Variants in PGBD1 observed in about 807,000 individuals in gnomAD.
PGBD1 encodes piggyBac transposable element derived 1.
PGBD1 carries 25 observed loss-of-function variants against 34.7 expected under a neutral mutation model. The observed-to-expected ratio is 0.72, with a 90% CI of 0.52 to 1.00. The LOEUF (loss-of-function observed/expected upper bound fraction) is 1.00. PGBD1 is among the 50% of genes least tolerant of loss of function. PGBD1 has a pLI of 0.00. For missense variants in PGBD1, 830 were observed against 959.4 expected (o/e 0.87, Z 1.78); for synonymous variants, 292 against 335.7 (o/e 0.87, Z 1.42).
At chr6:28,292,799 C>T (rs1317118971) in intron 4 of PGBD1, among the ~76,000 whole-genome samples, 2 of 152,036 alleles carry the variant, frequency 1.3e-5, no homozygotes, top group Non-Finnish European at 2.9e-5. Context: ...AAAACACACA[C>T]AGGGAGAATG....
Position 28,284,042 on chromosome 6 carries a change from A to G in PGBD1, c.229A>G (p.Met77Val). ...TTGTCATCAATGGCTGAGACCGGAG[A>G]TGCACACCAAGGAACAGATAATGGA... ...ELCHQWLRPE[M>V]HTKEQIMELL... Residue 77 changes from methionine to valine, a missense_variant, in exon 2 of 7, where the codon ATG becomes GTG. By Grantham distance (21) the Met-to-Val change is conservative. Coordinates refer to ENST00000682144, the MANE Select transcript of PGBD1 (RefSeq NM_032507.4). 1 of 1,614,116 alleles carries G rather than the reference A, an allele frequency of 6.2e-7. No individual in the cohort carries two copies. Among genetic ancestry groups the G allele is most frequent in the Non-Finnish European group, 8.5e-7 (1 of 1,180,008 alleles).
At chr6:28,296,716 C>A in intron 4 of PGBD1, 100 bp from the exon 5 acceptor site, 2 of 1,362,080 alleles carry the variant, frequency 1.5e-6, no homozygotes, top group Non-Finnish European at 2.0e-6. Context: ...CCCTGAGGGG[C>A]TGGGACTACC....
At chr6:28,287,888 G>T (rs1337558456) in intron 4 of PGBD1, among the ~76,000 whole-genome samples, 2 of 152,102 alleles carry the variant, frequency 1.3e-5, no homozygotes, top group African/African-American at 4.8e-5. Flanking sequence ...TGCACATTCT[G>T]AAAATCAACA....
chr6:28,301,577 A>G lies in PGBD1; in HGVS notation c.1723A>G (p.Thr575Ala), dbSNP rs750018428. ...RIGYKIWCGTTTQGYLVWFEP... is the reference protein window; with the variant it reads ...RIGYKIWCGTATQGYLVWFEP... ...TGGCTATAAAATTTGGTGTGGTACAACCACACAGGGTTATCTGGTTTGGTT... is the reference window on the plus strand; with the variant it reads ...TGGCTATAAAATTTGGTGTGGTACAGCCACACAGGGTTATCTGGTTTGGTT... Residue 575 changes from threonine to alanine, a missense_variant, in exon 7 of 7, where the codon ACC becomes GCC. Thr to Ala is a moderately conservative substitution (Grantham distance 58, BLOSUM62 0). Around this residue, in one of 3 missense-constraint regions of PGBD1, gnomAD observed 372 missense variants for 427.9 expected, o/e 0.87. Transcript: ENST00000682144. 52 of 1,614,058 alleles carry G rather than the reference A, an allele frequency of 3.2e-5. No individual in the cohort carries two copies. Among genetic ancestry groups the G allele is most frequent in the Non-Finnish European group, 3.8e-5 (45 of 1,180,034 alleles).
chr6:28,285,317 A>G (rs188494362), intron 2 of PGBD1, among the ~76,000 whole-genome samples: 4 of 152,292 alleles, frequency 2.6e-5, no homozygotes, highest in East Asian at 3.9e-4. Context: ...TGTAATTACT[A>G]AGTAATCTGT....
chr6:28,300,702 A>C lies in PGBD1; in HGVS notation c.870-22A>C. The C allele has an allele frequency of 6.3e-7, 1 of 1,577,032 alleles. No individual in the cohort carries two copies. On this transcript the variant is annotated intron_variant, in intron 6 of 6. Coordinates refer to ENST00000682144, the MANE Select transcript of PGBD1 (RefSeq NM_032507.4). This position sits in a 1 kb window ranked among gnomAD's most constrained non-coding sequence, Gnocchi z 4.0. ...GAATATGATTGAGGATTTTTATAAC[A>C]TGTTCTTTTTTTCTTTCCCAGAGAG...
chr6:28,282,884 AT>A (rs1474505120), intron 1 of PGBD1, among the ~76,000 whole-genome samples: 2 of 152,266 alleles, frequency 1.3e-5, no homozygotes, highest in Non-Finnish European at 2.9e-5. Flanking sequence ...AAAGGAAAAA[AT>A]GAAAAGAGGG....
chr6:28,283,485 G>C (rs1489317515), intron 1 of PGBD1, among the ~76,000 whole-genome samples: 6 of 152,176 alleles, frequency 3.9e-5, no homozygotes. Flanking sequence ...TCCTCAATGG[G>C]TAAATTATCC....
At chr6:28,284,903 C>T (rs1345934883) in intron 2 of PGBD1, among the ~76,000 whole-genome samples, 2 of 152,170 alleles carry the variant, frequency 1.3e-5, no homozygotes, top group Non-Finnish European at 2.9e-5. Flanking sequence ...ATTAAACTTA[C>T]GATACTATCA....
At position 28,284,104 on chromosome 6, in the gene PGBD1, C is replaced by T; in HGVS notation, c.291C>T (p.Pro97=). Residue 97 remains proline (P), a synonymous_variant, in exon 2 of 7, where the codon CCC becomes CCT. Coordinates refer to ENST00000682144, the MANE Select transcript of PGBD1 (RefSeq NM_032507.4). Reference sequence around the variant, plus strand: ...TGGAGCAGTTCCTGACCATCCTGCCCAAGGAGCTCCAGCCCTGTGTGAAGA... The same window carrying T: ...TGGAGCAGTTCCTGACCATCCTGCCTAAGGAGCTCCAGCCCTGTGTGAAGA... ...LVLEQFLTIL[P]KELQPCVKTY... The T allele has an allele frequency of 6.2e-7, 1 of 1,614,080 alleles. No homozygotes were observed. The highest frequency in any genetic ancestry group is 1.3e-5 in the African/African-American group (1 of 75,012).
Position 28,281,683 on chromosome 6 carries a change from C to A in PGBD1, c.-274C>A, listed in dbSNP as rs1166172203. On this transcript the variant is annotated 5_prime_UTR_variant, in exon 1 of 7. Coordinates refer to ENST00000682144, the MANE Select transcript of PGBD1 (RefSeq NM_032507.4). ...GACAGGGGAGCACCGGGCCTCTGAG[C>A]TCCCTCGGGAGCCTTTCACGAGGTC... The A allele has an allele frequency of 2.9e-6, 1 of 345,426 alleles. No homozygotes were observed. Among genetic ancestry groups the A allele is most frequent in the Non-Finnish European group, 5.2e-6 (1 of 193,104 alleles). 21.4% of individuals were successfully genotyped at this position (345,426 alleles called of 1,614,324 possible).
chr6:28,283,093 G>A (rs1325122430), intron 1 of PGBD1, among the ~76,000 whole-genome samples: 1 of 152,218 alleles, frequency 6.6e-6, no homozygotes, highest in Non-Finnish European at 1.5e-5. Context: ...TTGAGCACTA[G>A]GCCTGGCTGG....
intron 4 of PGBD1, among the ~76,000 whole-genome samples, chr6:28,292,444 TATTTATA>T (rs562957432): frequency 6.6e-6 from 1 of 152,144 alleles, no homozygotes; most frequent in East Asian, 1.9e-4. Flanking sequence ...TTTAGTATTT[TATTTATA>T]ATTTATAATT....
intron 4 of PGBD1, among the ~76,000 whole-genome samples, chr6:28,290,288 G>T (rs1180926442): frequency 2.0e-5 from 3 of 152,048 alleles, no homozygotes; most frequent in Non-Finnish European, 4.4e-5. Context: ...GTAGACCTGG[G>T]TTTTTGCCAT....
intron 4 of PGBD1, among the ~76,000 whole-genome samples, chr6:28,292,103 T>C (rs1762474939): frequency 6.6e-6 from 1 of 152,042 alleles, no homozygotes; most frequent in South Asian, 2.1e-4. Flanking sequence ...GAGAAGGAAA[T>C]AAATGGCATC....
intron 6 of PGBD1, among the ~76,000 whole-genome samples, chr6:28,298,925 G>A (rs1762739175): frequency 6.6e-6 from 1 of 152,098 alleles, no homozygotes; most frequent in African/African-American, 2.4e-5. Context: ...AGTAAGCAAG[G>A]TGGGCTACTT....
chr6:28,299,334 C>T (rs1762750175), intron 6 of PGBD1, among the ~76,000 whole-genome samples: 1 of 151,880 alleles, frequency 6.6e-6, no homozygotes, highest in African/African-American at 2.4e-5. Context: ...AGTCCCCCTC[C>T]CTCACCCCCA....
intron 3 of PGBD1, 31 bp from the exon 4 acceptor site, chr6:28,287,049 C>A: frequency 6.4e-7 from 1 of 1,563,368 alleles, no homozygotes; most frequent in Non-Finnish European, 8.8e-7. Flanking sequence ...CATCATGTCT[C>A]ATTTAGGACT....
intron 4 of PGBD1, 120 bp downstream of exon 4, chr6:28,287,288 C>G: frequency 2.5e-6 from 2 of 812,702 alleles, no homozygotes; most frequent in Non-Finnish European, 4.2e-6. Context: ...GTGGCATAGT[C>G]CCTCTGCCTT....
Sources: gnomAD v4.1 joint callset for allele counts (sites outside exome capture counted in the v4.1 genomes callset) on GRCh38, gnomAD v4.1.1 for gene constraint, gnomAD v4.1.1 regional missense constraint, Gnocchi (gnomAD v3.1) non-coding constraint, MANE v1.5 for transcripts, NCBI Gene and HGNC (gene_info 2026-07-23, HGNC 2026-07-21) for gene names.